Variants in CLVS2 observed in about 807,000 individuals in gnomAD.
CLVS2 encodes clavesin-2.
Under a neutral mutation model 29.0 loss-of-function variants are expected in CLVS2, and 19 were observed. The observed-to-expected ratio is 0.66, with a 90% CI of 0.46 to 0.96. CLVS2 has a LOEUF of 0.96. Among genes scored for constraint, CLVS2 ranks in the 40% least tolerant of loss-of-function variants. The probability of loss-of-function intolerance (pLI) is 0.00; values close to 1 mark genes in which losing one functional copy is unlikely to be tolerated. For missense variants in CLVS2, 294 were observed against 404.1 expected (o/e 0.73, Z 2.34); for synonymous variants, 161 against 151.3 (o/e 1.06, Z -0.47).
rs372724674 is a variant in CLVS2 at position 123,006,025 on chromosome 6, GA to G, written c.390-4957del. On this transcript the variant is annotated intron_variant, in intron 2 of 5. Coordinates refer to ENST00000275162, the MANE Select transcript of CLVS2 (RefSeq NM_001010852.4). Reference sequence around the variant, plus strand: ...AAGATAGAAAGTGGTATCAAACAGTGAAAGAGTTTTTAAGCTAAGCTTATAT... The same window carrying G: ...AAGATAGAAAGTGGTATCAAACAGTGAAGAGTTTTTAAGCTAAGCTTATAT... Among the ~76,000 whole-genome samples the G allele has an allele frequency of 4.0e-3, 613 of 152,302 alleles. 3 individuals are homozygous for G. The highest frequency in any genetic ancestry group is 0.014 in the African/African-American group (574 of 41,556).
At chr6:123,041,147 CA>C (rs774532923) in intron 3 of CLVS2, among the ~76,000 whole-genome samples, 5 of 152,068 alleles carry the variant, frequency 3.3e-5, no homozygotes, top group Non-Finnish European at 5.9e-5. Flanking sequence ...GGCTCCTCTA[CA>C]GGTTGCATAA....
intron 3 of CLVS2, among the ~76,000 whole-genome samples, chr6:123,022,578 G>A (rs568497448): frequency 2.5e-4 from 38 of 152,068 alleles, no homozygotes; most frequent in African/African-American, 7.0e-4. Flanking sequence ...GATACTCTTC[G>A]ATCTGGATCC....
intron 3 of CLVS2, among the ~76,000 whole-genome samples, chr6:123,046,409 C>T (rs1195060351): frequency 6.6e-6 from 1 of 152,070 alleles, no homozygotes; most frequent in Non-Finnish European, 1.5e-5. Context: ...CCTGTAATCC[C>T]AGCACTTTGG....
At chr6:123,025,275 G>C (rs1242173501) in intron 3 of CLVS2, among the ~76,000 whole-genome samples, 2 of 152,054 alleles carry the variant, frequency 1.3e-5, no homozygotes, top group South Asian at 4.2e-4. Flanking sequence ...GGAGTGAATA[G>C]GTGCAAAAAA....
At chr6:123,038,740 C>T (rs1314777269) in intron 3 of CLVS2, among the ~76,000 whole-genome samples, 10 of 151,622 alleles carry the variant, frequency 6.6e-5, no homozygotes, top group South Asian at 2.1e-4. Flanking sequence ...TTGAAAATGC[C>T]GCTTACTGGC....
chr6:123,022,920 A>T (rs140147758), intron 3 of CLVS2, among the ~76,000 whole-genome samples: 92 of 152,222 alleles, frequency 6.0e-4, no homozygotes, highest in African/African-American at 2.0e-3. Context: ...TTTAATGATA[A>T]CTGAGGCATG....
chr6:122,998,584 A>C (rs1774546424), intron 2 of CLVS2, among the ~76,000 whole-genome samples: 1 of 152,200 alleles, frequency 6.6e-6, no homozygotes. Context: ...TGTCATCATC[A>C]TCATCATCAT....
chr6:123,010,403 G>A (rs1246048778), intron 2 of CLVS2, among the ~76,000 whole-genome samples: 1 of 151,926 alleles, frequency 6.6e-6, no homozygotes, highest in East Asian at 1.9e-4. Flanking sequence ...CCTTGAATTA[G>A]GATGGTTTGT....
At chr6:123,045,512 A>AAGGTGC (rs1270275759) in intron 3 of CLVS2, among the ~76,000 whole-genome samples, 2 of 152,014 alleles carry the variant, frequency 1.3e-5, no homozygotes, top group African/African-American at 4.8e-5. Flanking sequence ...CTCAGCTAAT[A>AAGGTGC]AGGTGCTTAG....
At chr6:123,032,009 C>T (rs1775090150) in intron 3 of CLVS2, among the ~76,000 whole-genome samples, 1 of 152,008 alleles carries the variant, frequency 6.6e-6, no homozygotes, top group Non-Finnish European at 1.5e-5. Context: ...GCAATTATTT[C>T]TATTCTTTTA....
At chr6:123,033,283 G>A (rs569301640) in intron 3 of CLVS2, among the ~76,000 whole-genome samples, 2 of 152,116 alleles carry the variant, frequency 1.3e-5, no homozygotes, top group South Asian at 4.1e-4. Context: ...GTGAAAAGAA[G>A]ATTTTGTTCT....
chr6:123,052,868 G>A (rs1370615512), intron 4 of CLVS2, among the ~76,000 whole-genome samples: 1 of 149,778 alleles, frequency 6.7e-6, no homozygotes, highest in Non-Finnish European at 1.5e-5. Context: ...TAAGTGGAGA[G>A]TGGAAATACA....
rs771525897 is a variant in CLVS2, at chr6:123,017,377, A to G, written c.564+6218A>G. Among the ~76,000 whole-genome samples, 7 of 152,156 alleles carry G rather than the reference A, an allele frequency of 4.6e-5. No individual in the cohort carries two copies. The East Asian group carries it at 9.7e-4, about 21-fold the overall frequency. ...AGCAATGCCTATCTTTTTGAAAGTAAACACACAGACTCGTGAACTGTATTC... is the reference window on the plus strand; with the variant it reads ...AGCAATGCCTATCTTTTTGAAAGTAGACACACAGACTCGTGAACTGTATTC... On this transcript the variant is annotated intron_variant, in intron 3 of 5. Coordinates refer to ENST00000275162, the MANE Select transcript of CLVS2 (RefSeq NM_001010852.4).
At chr6:123,005,980 G>C (rs949273450) in intron 2 of CLVS2, among the ~76,000 whole-genome samples, 2 of 152,234 alleles carry the variant, frequency 1.3e-5, no homozygotes, top group Non-Finnish European at 2.9e-5. Context: ...ACAGTGTGCA[G>C]CGAACAGTAT....
chr6:123,027,059 T>C (rs1775012678), intron 3 of CLVS2, among the ~76,000 whole-genome samples: 2 of 152,070 alleles, frequency 1.3e-5, no homozygotes, highest in Non-Finnish European at 2.9e-5. Flanking sequence ...TATATTGCAT[T>C]ATGGGTATCG....
intron 2 of CLVS2, among the ~76,000 whole-genome samples, chr6:123,005,693 G>A (rs2114301265): frequency 6.6e-6 from 1 of 152,272 alleles, no homozygotes; most frequent in Non-Finnish European, 1.5e-5. Context: ...GCCAGAGGCA[G>A]GAGAAGAAGC....
At position 123,069,016 on chromosome 6, in the gene CLVS2, G is replaced by T. The variant is rs1210185193; in HGVS notation, c.*5255G>T. ...CAATATTTTTATTTTGAGAGAAATT[G>T]TGCTTAGCTATTTAAGTTAAGATTC... is the stretch of plus-strand genomic sequence containing the variant. On this transcript the variant is annotated 3_prime_UTR_variant, in exon 6 of 6. Transcript: ENST00000275162. 6.6e-6 allele frequency: 1 copy of T among 151,648 alleles called. No individual in the cohort carries two copies. The highest frequency in any genetic ancestry group is 2.1e-4 in the South Asian group (1 of 4,830). The allele number at this position is 151,648 out of a possible 1,614,324, so 9.4% of individuals were successfully genotyped here. A position where few individuals can be genotyped will look rare whatever the true frequency, so the allele number is the denominator to read the frequency against.
At position 123,001,954 on chromosome 6, in the gene CLVS2, G is replaced by A. The variant is rs149350802; in HGVS notation, c.389+3788G>A. Among the ~76,000 whole-genome samples, 385 of 152,298 alleles carry A rather than the reference G, an allele frequency of 2.5e-3. 1 individual carries two copies. The highest frequency in any genetic ancestry group is 4.6e-3 in the Non-Finnish European group (312 of 68,016). On this transcript the variant is annotated intron_variant, in intron 2 of 5. Transcript: ENST00000275162. ...AAGTGTCAGAGTTCACCTGTAAGTT[G>A]TCAGCCTGCAAGTCATATTTTATTT...
chr6:123,000,001 G>A (rs974537230), intron 2 of CLVS2, among the ~76,000 whole-genome samples: 2 of 151,902 alleles, frequency 1.3e-5, no homozygotes, highest in Non-Finnish European at 2.9e-5. Flanking sequence ...CCATATAAAG[G>A]GCAGACAACT....
Sources: gnomAD v4.1 joint callset for allele counts (sites outside exome capture counted in the v4.1 genomes callset) on GRCh38, gnomAD v4.1.1 for gene constraint, MANE v1.5 for transcripts, NCBI Gene and HGNC (gene_info 2026-07-23, HGNC 2026-07-21) for gene names.